The following CA6 variants were observed in gnomAD, a reference collection of about 807,000 sequenced individuals.
CA6 encodes the protein carbonate dehydratase VI.
CA6 carries 28 observed loss-of-function variants against 35.9 expected under a neutral mutation model. That is an observed-to-expected ratio of 0.78 (90% CI 0.58 to 1.07). The LOEUF (loss-of-function observed/expected upper bound fraction) is 1.07. Among genes scored for constraint, CA6 ranks in the 50% least tolerant of loss-of-function variants. The pLI is 0.00. For synonymous variants in CA6, 148 were observed against 152.6 expected (o/e 0.97, Z 0.22); for missense variants, 377 against 382.0 (o/e 0.99, Z 0.11).
rs1218698914 is a variant in CA6 at position 8,973,780 on chromosome 1, C to CTT, written c.845-840_845-839dup. On this transcript the variant is annotated intron_variant, in intron 7 of 7. Coordinates refer to ENST00000377443, the MANE Select transcript of CA6 (RefSeq NM_001215.4). ...TCTTTCTTTCTTTCTTTCTTTCTTTCTTTCTTTTCCCTCCCTCCCTCTCTC... is the reference window on the plus strand; with the variant it reads ...TCTTTCTTTCTTTCTTTCTTTCTTTCTTTTTCTTTTCCCTCCCTCCCTCTCTC... Among the ~76,000 whole-genome samples, 69 of 22,052 alleles carry CTT rather than the reference C, an allele frequency of 3.1e-3. 1 individual carries two copies. The highest frequency in any genetic ancestry group is 0.014 in the African/African-American group (64 of 4,432). 14.5% of individuals were successfully genotyped at this position (22,052 alleles called of 152,430 possible).
intron 2 of CA6, 53 bp downstream of exon 2, chr1:8,949,495 A>C: frequency 2.0e-6 from 3 of 1,492,582 alleles, no homozygotes; most frequent in Middle Eastern, 3.6e-4. Flanking sequence ...CTGCAGGGGA[A>C]GGCAGGTTAC....
intron 7 of CA6, among the ~76,000 whole-genome samples, chr1:8,973,730 T>C (rs957632214): frequency 1.1e-4 from 2 of 17,658 alleles, no homozygotes. Flanking sequence ...CTTTCTTTCT[T>C]TCTTTCTTTC....
intron 2 of CA6, chr1:8,951,399 A>G (rs1460766988): frequency 1.3e-6 from 1 of 749,516 alleles, no homozygotes; most frequent in Non-Finnish European, 2.5e-6. Flanking sequence ...TCTTGTTTCC[A>G]AAGTTACTCT....
intron 7 of CA6, among the ~76,000 whole-genome samples, chr1:8,973,321 T>A (rs1640156440): frequency 6.6e-6 from 1 of 152,072 alleles, no homozygotes; most frequent in African/African-American, 2.4e-5. Flanking sequence ...GCCCGGCCTG[T>A]CTCCTAGGTC....
intron 7 of CA6, 26 bp from the exon 8 acceptor site, chr1:8,974,596 T>C (rs761384115): frequency 9.7e-6 from 15 of 1,549,558 alleles, no homozygotes; most frequent in Non-Finnish European, 1.3e-5. Context: ...GGTTTAACCA[T>C]TTCCGACTAA....
Position 8,974,398 on chromosome 1 carries a change from C to T in CA6, c.845-224C>T, listed in dbSNP as rs937491601. On this transcript the variant is annotated intron_variant, in intron 7 of 7. Coordinates refer to ENST00000377443, the MANE Select transcript of CA6 (RefSeq NM_001215.4). ...AGAAGCCAAAATCCAAGAGTACAGC[C>T]CACCTCAACACGCCACCCCTTGGCT... is the stretch of plus-strand genomic sequence containing the variant. 8 of 1,542,818 alleles carry T rather than the reference C, an allele frequency of 5.2e-6. No homozygotes were observed. In the Admixed American group the frequency reaches 7.9e-5, roughly 15 times the overall value.
rs541996216 is a variant in CA6 at position 8,948,671 on chromosome 1, C to T, written c.80-592C>T. Among the ~76,000 whole-genome samples the T allele has an allele frequency of 3.1e-4, 47 of 151,988 alleles. 2 individuals are homozygous for T. Among genetic ancestry groups the T allele is most frequent in the African/African-American group, 1.1e-3 (46 of 41,414 alleles). ...TAAGTCAAACGAGAGCAAAAATTTACGTATAAAACACTCTCAGGCCGGGCA... is the reference window on the plus strand; with the variant it reads ...TAAGTCAAACGAGAGCAAAAATTTATGTATAAAACACTCTCAGGCCGGGCA... On this transcript the variant is annotated intron_variant, in intron 1 of 7. Transcript: ENST00000377443.
rs767657189 is a variant in CA6 at position 8,945,926 on chromosome 1, G to A, written c.40G>A (p.Gly14Ser). The A allele has an allele frequency of 8.1e-6, 13 of 1,613,798 alleles. No individual in the cohort carries two copies. The highest frequency in any genetic ancestry group is 1.6e-4 in the Middle Eastern group (1 of 6,084). ...LVLLLSLFLL[G>S]GQAQHVSDWT... ...GCTTCTGCTGTCCCTGTTCCTGCTGGGTGGCCAGGCCCAGCATGTGTCTGA... is the reference window on the plus strand; with the variant it reads ...GCTTCTGCTGTCCCTGTTCCTGCTGAGTGGCCAGGCCCAGCATGTGTCTGA... Residue 14 changes from glycine (G) to serine (S), a missense_variant, in exon 1 of 8, where the codon GGT (glycine) becomes AGT (serine). Transcript: ENST00000377443.
At chr1:8,952,896 A>G (rs1160801457) in intron 2 of CA6, among the ~76,000 whole-genome samples, 1 of 151,624 alleles carries the variant, frequency 6.6e-6, no homozygotes, top group African/African-American at 2.4e-5. Context: ...ACCTCAAGTC[A>G]TCCGCCCACT....
chr1:8,948,194 C>A (rs112360981), intron 1 of CA6, among the ~76,000 whole-genome samples: 1,866 of 152,116 alleles, frequency 0.012, 56 homozygotes, highest in African/African-American at 0.044. Flanking sequence ...ACACAGCTAC[C>A]CCCGAACAGG....
intron 1 of CA6, among the ~76,000 whole-genome samples, chr1:8,948,328 T>G (rs1442896574): frequency 6.6e-6 from 1 of 152,150 alleles, no homozygotes. Flanking sequence ...CAACCCTCTC[T>G]GAAAAGATAA....
Position 8,963,879 on chromosome 1 carries a change from C to T in CA6, c.571+1223C>T, listed in dbSNP as rs1450531235. ...TTTTATTCATAGCTACAAATATGAA[C>T]AGTGCCCAGAAATCCTAAAGTATCA... On this transcript the variant is annotated intron_variant, in intron 5 of 7. Transcript: ENST00000377443. This position sits in a 1 kb window ranked among gnomAD's most constrained non-coding sequence, Gnocchi z 4.1. Among the ~76,000 whole-genome samples the T allele has an allele frequency of 6.6e-6, 1 of 152,130 alleles. No individual in the cohort carries two copies. The highest frequency in any genetic ancestry group is 6.5e-5 in the Admixed American group (1 of 15,270).
intron 6 of CA6, 135 bp downstream of exon 6, chr1:8,967,951 C>G: frequency 1.8e-6 from 1 of 543,030 alleles, no homozygotes; most frequent in Non-Finnish European, 3.1e-6. Flanking sequence ...TACTGTGCCT[C>G]GTCTAGCCAA....
intron 7 of CA6, among the ~76,000 whole-genome samples, chr1:8,973,283 T>G (rs1446903399): frequency 1.3e-5 from 2 of 152,162 alleles, no homozygotes; most frequent in African/African-American, 4.8e-5. Context: ...CCTCCCAAAT[T>G]GCTGGGATTA....
At chr1:8,959,383 C>T (rs113830320) in intron 4 of CA6, among the ~76,000 whole-genome samples, 10,073 of 150,862 alleles carry the variant, frequency 0.067, 933 homozygotes, top group African/African-American at 0.21. Context: ...GGCACAATCT[C>T]GGCTCACTGC....
At chr1:8,953,193 C>G (rs1385084672) in intron 2 of CA6, among the ~76,000 whole-genome samples, 1 of 152,200 alleles carries the variant, frequency 6.6e-6, no homozygotes, top group African/African-American at 2.4e-5. Context: ...TCCTCCATGT[C>G]TTTTCATGGC....
chr1:8,950,104 T>G (rs771697446), intron 2 of CA6, among the ~76,000 whole-genome samples: 4 of 151,866 alleles, frequency 2.6e-5, no homozygotes, highest in Non-Finnish European at 5.9e-5. Flanking sequence ...CTCAGCCTCC[T>G]GAGTAGCTGG....
chr1:8,959,883 G>C (rs113616445), intron 4 of CA6, among the ~76,000 whole-genome samples: 38 of 141,276 alleles, frequency 2.7e-4, no homozygotes, highest in African/African-American at 1.0e-3. Flanking sequence ...AGTGAGCCGA[G>C]ATCGTGCTAC....
chr1:8,974,685 TAAGAA>T lies in CA6; in HGVS notation c.909_913del (p.Arg304SerfsTer14). On this transcript the variant is annotated frameshift_variant, in exon 8 of 8. Transcript: ENST00000377443. LOFTEE classifies it high-confidence loss of function. ...AAGATTGAGGAAATTCTTGACTACT[TAAGAA>T]GAGCATTGAACTGAGGAAAGCTAAG... is the stretch of plus-strand genomic sequence containing the variant. 1 of 1,601,800 alleles carries T rather than the reference TAAGAA, an allele frequency of 6.2e-7. No homozygotes were observed. Among genetic ancestry groups the T allele is most frequent in the Non-Finnish European group, 8.5e-7 (1 of 1,172,068 alleles).
Sources: allele counts gnomAD v4.1 joint callset (sites outside exome capture counted in the v4.1 genomes callset), GRCh38; gene constraint gnomAD v4.1.1; non-coding constraint Gnocchi (gnomAD v3.1); transcripts MANE v1.5; gene names NCBI Gene and HGNC (gene_info 2026-07-23, HGNC 2026-07-21).